The following CPOX variants were observed in gnomAD, a reference collection of about 807,000 sequenced individuals.
The protein encoded by CPOX is oxygen-dependent coproporphyrinogen-III oxidase, mitochondrial.
A neutral mutation model predicts 48.9 loss-of-function variants in CPOX; 24 were observed. The observed-to-expected ratio is 0.49, with a 90% CI of 0.36 to 0.69. The LOEUF is 0.69. CPOX is among the 30% of genes least tolerant of loss of function. CPOX has a pLI of 0.00. For synonymous variants in CPOX, 249 were observed against 234.6 expected (o/e 1.06, Z -0.56); for missense variants, 549 against 597.3 (o/e 0.92, Z 0.84).
At chr3:98,584,695 G>T (rs1707325848) in intron 5 of CPOX, among the ~76,000 whole-genome samples, 1 of 152,168 alleles carries the variant, frequency 6.6e-6, no homozygotes, top group Admixed American at 6.5e-5. Context: ...GGGCCAGCAG[G>T]CTGTATAACT....
the CPOX span, among the ~76,000 whole-genome samples, chr3:98,572,659 T>C: frequency 6.6e-6 from 1 of 152,228 alleles, no homozygotes; most frequent in Non-Finnish European, 1.5e-5. Context: ...AACATCTTCA[T>C]TCTCCATTTC....
intron 5 of CPOX, 29 bp downstream of exon 5, chr3:98,585,412 A>T: frequency 6.3e-7 from 1 of 1,586,064 alleles, no homozygotes; most frequent in Non-Finnish European, 8.7e-7. Context: ...CCACTTAGCC[A>T]TGAAAGAATT....
intron 5 of CPOX, among the ~76,000 whole-genome samples, chr3:98,583,713 G>A (rs890189130): frequency 2.0e-5 from 3 of 152,212 alleles, no homozygotes; most frequent in African/African-American, 7.2e-5. Flanking sequence ...AAGGGAATGA[G>A]ACTGACTGCT....
chr3:98,579,140 C>T (rs1226812184), downstream of CPOX, among the ~76,000 whole-genome samples: 1 of 152,202 alleles, frequency 6.6e-6, no homozygotes, highest in Non-Finnish European at 1.5e-5. Flanking sequence ...TAATGAATAG[C>T]AAATATATCT....
In CPOX at chr3:98,593,128, C is replaced by G. The variant is rs1002194025; in HGVS notation, c.377G>C (p.Arg126Pro). Residue 126 changes from arginine to proline, a missense_variant, in exon 1 of 7, where the codon CGC (arginine) becomes CCC (proline). By Grantham distance (103) the Arg-to-Pro change is moderately radical. Coordinates refer to ENST00000647941, the MANE Select transcript of CPOX (RefSeq NM_000097.7). ...AGGCGGGGCCATGAAGCTGCTGCAG[C>G]GGTGGGCCAGCTCATCCTCCTCCTC... Reference protein sequence around the residue: ...PEEEEDELAHRCSSFMAPPVT... With the variant: ...PEEEEDELAHPCSSFMAPPVT... The G allele has an allele frequency of 1.2e-6, 2 of 1,613,332 alleles. No individual in the cohort carries two copies. The highest frequency in any genetic ancestry group is 1.7e-6 in the Non-Finnish European group (2 of 1,179,890).
At position 98,580,062 on chromosome 3, in the gene CPOX, T is replaced by A; in HGVS notation, c.*621A>T. ...AATAATAGTAATGTCACTTTAGAGTTTACAAACTACAGAAATAACTGAATT... is the reference window on the plus strand; with the variant it reads ...AATAATAGTAATGTCACTTTAGAGTATACAAACTACAGAAATAACTGAATT... On this transcript the variant is annotated 3_prime_UTR_variant, in exon 7 of 7. Transcript: ENST00000647941. The A allele has an allele frequency of 1.0e-6, 1 of 982,290 alleles. No individual in the cohort carries two copies. Among genetic ancestry groups the A allele is most frequent in the Non-Finnish European group, 1.2e-6 (1 of 827,242 alleles). 60.8% of individuals were successfully genotyped at this position (982,290 alleles called of 1,614,324 possible).
chr3:98,585,394 C>T (rs1222063522), intron 5 of CPOX, 47 bp downstream of exon 5: 1 of 1,471,806 alleles, frequency 6.8e-7, no homozygotes, highest in Non-Finnish European at 9.5e-7. Flanking sequence ...AGAGCTGCTC[C>T]ACCTCCCCCA....
At chr3:98,576,003 C>T (rs1367110396), downstream of CPOX, among the ~76,000 whole-genome samples, 2 of 134,048 alleles carry the variant, frequency 1.5e-5, no homozygotes, top group South Asian at 2.5e-4. Context: ...ACCCAGGAGG[C>T]AGAGGTTGTG....
chr3:98,592,023 T>C (rs1707490183), intron 1 of CPOX, among the ~76,000 whole-genome samples: 1 of 150,244 alleles, frequency 6.7e-6, no homozygotes, highest in Non-Finnish European at 1.5e-5. Context: ...AGTATGAGGA[T>C]TAAAAGAGAT....
chr3:98,579,708 CTAATA>C lies in CPOX; in HGVS notation c.*970_*974del. On this transcript the variant is annotated 3_prime_UTR_variant, in exon 7 of 7. Coordinates refer to ENST00000647941, the MANE Select transcript of CPOX (RefSeq NM_000097.7). ...TTAAGAGCAAAGAGCTGCAGAATCT[CTAATA>C]TAAAAAAGAGGACATTTTCAATGTG... 1 of 985,344 alleles carries C rather than the reference CTAATA, an allele frequency of 1.0e-6. No individual in the cohort carries two copies. The highest frequency in any genetic ancestry group is 1.2e-6 in the Non-Finnish European group (1 of 829,782). 61.0% of individuals were successfully genotyped at this position (985,344 alleles called of 1,614,324 possible).
chr3:98,580,953 CAAAT>C (rs780948003), intron 6 of CPOX, among the ~76,000 whole-genome samples, 183 bp from the exon 7 acceptor site: 52 of 151,854 alleles, frequency 3.4e-4, no homozygotes, highest in Admixed American at 1.3e-3. Flanking sequence ...ATTTGCCAAA[CAAAT>C]AGTTTCTTAA....
rs1323789371 is a variant in CPOX, at chr3:98,593,500, G to A, written c.5C>T (p.Ala2Val). The A allele has an allele frequency of 6.6e-7, 1 of 1,521,684 alleles. No homozygotes were observed. Among genetic ancestry groups the A allele is most frequent in the South Asian group, 1.2e-5 (1 of 82,202 alleles). 94.3% of individuals were successfully genotyped at this position (1,521,684 alleles called of 1,614,324 possible). A position where few individuals can be genotyped will look rare whatever the true frequency, so the allele number is the denominator to read the frequency against. Residue 2 changes from alanine (A) to valine (V), a missense_variant, in exon 1 of 7, where the codon GCC (alanine) becomes GTC (valine). By Grantham distance (64) the Ala-to-Val change is moderately conservative. Transcript: ENST00000647941. M[A>V]LQLGRLSSGP... is the part of the protein sequence containing the mutation. ...CGAGCTCAGCCTGCCCAGCTGCAAG[G>A]CCATGTTCCCGCACTATCACCTGGA... is the stretch of plus-strand genomic sequence containing the variant.
At chr3:98,579,419 C>A, downstream of CPOX, 4 of 676,050 alleles carry the variant, frequency 5.9e-6, no homozygotes, top group Non-Finnish European at 7.3e-6. Context: ...CCTATATTAT[C>A]CTGGCAACAA....
intron 5 of CPOX, among the ~76,000 whole-genome samples, chr3:98,582,385 C>T (rs1354213323): frequency 2.0e-5 from 3 of 152,174 alleles, no homozygotes; most frequent in Non-Finnish European, 4.4e-5. Context: ...TCAGAAATTA[C>T]TCCCTTGGTC....
At chr3:98,592,687 A>G (rs1044503983) in intron 1 of CPOX, among the ~76,000 whole-genome samples, 1 of 152,116 alleles carries the variant, frequency 6.6e-6, no homozygotes, top group Non-Finnish European at 1.5e-5. Context: ...AGAGTTCTAC[A>G]AAAAAATGCT....
chr3:98,580,644 G>A lies in CPOX; in HGVS notation c.*39C>T, dbSNP rs184054094. 27 of 1,612,250 alleles carry A rather than the reference G, an allele frequency of 1.7e-5. 1 individual carries two copies. The highest frequency in any genetic ancestry group is 1.1e-4 in the South Asian group (10 of 90,816). ...ACCAGTGGCATGGGGAGCACACATCGTGTGCCCTCCAAACCCCTGCACAGC... is the reference window on the plus strand; with the variant it reads ...ACCAGTGGCATGGGGAGCACACATCATGTGCCCTCCAAACCCCTGCACAGC... On this transcript the variant is annotated 3_prime_UTR_variant, in exon 7 of 7. Transcript: ENST00000647941.
chr3:98,580,168 C>G lies in CPOX; in HGVS notation c.*515G>C. The G allele has an allele frequency of 1.0e-6, 1 of 983,876 alleles. No homozygotes were observed. The allele number at this position is 983,876 out of a possible 1,614,324, so 60.9% of individuals were successfully genotyped here. Reference sequence around the variant, plus strand: ...TATCTATTTGACAATATTATGTTCTCTGGAGAAAGATATATAAGGATTACA... The same window carrying G: ...TATCTATTTGACAATATTATGTTCTGTGGAGAAAGATATATAAGGATTACA... On this transcript the variant is annotated 3_prime_UTR_variant, in exon 7 of 7. Transcript: ENST00000647941.
At chr3:98,592,504 G>A (rs1707499419) in intron 1 of CPOX, among the ~76,000 whole-genome samples, 1 of 152,100 alleles carries the variant, frequency 6.6e-6, no homozygotes, top group African/African-American at 2.4e-5. Flanking sequence ...ATCCTGGCTG[G>A]AGGAGTTTAG....
rs1158873654 is a variant in CPOX at position 98,593,432 on chromosome 3, G to A, written c.73C>T (p.Arg25Cys). Residue 25 changes from arginine (R) to cysteine (C), a missense_variant, in exon 1 of 7, where the codon CGC (arginine) becomes TGC (cysteine). Arg to Cys is a radical substitution (Grantham distance 180). This residue lies in a region of CPOX where 336 missense variants were observed against 318.1 expected (regional missense o/e 1.06). Transcript: ENST00000647941. ...CCGCCGCCGCACTGGGACCAGGCGCGGGGCCCTCCGCAGCCGCCCCGCGCC... is the reference window on the plus strand; with the variant it reads ...CCGCCGCCGCACTGGGACCAGGCGCAGGGCCCTCCGCAGCCGCCCCGCGCC... ...LVARGGCGGP[R>C]AWSQCGGGGL... 5 of 1,481,802 alleles carry A rather than the reference G, an allele frequency of 3.4e-6. No homozygotes were observed. The highest frequency in any genetic ancestry group is 4.5e-6 in the Non-Finnish European group (5 of 1,123,044). 91.8% of individuals were successfully genotyped at this position (1,481,802 alleles called of 1,614,324 possible). A position where few individuals can be genotyped will look rare whatever the true frequency, so the allele number is the denominator to read the frequency against.
Sources: allele counts gnomAD v4.1 joint callset (sites outside exome capture counted in the v4.1 genomes callset), GRCh38; gene constraint gnomAD v4.1.1; regional missense constraint gnomAD v4.1.1; transcripts MANE v1.5; gene names NCBI Gene and HGNC (gene_info 2026-07-23, HGNC 2026-07-21).